The following CTNND2 variants were observed in gnomAD, a reference collection of about 807,000 sequenced individuals.
CTNND2 encodes the protein catenin delta 2, also known as catenin delta-2.
CTNND2 carries 22 observed loss-of-function variants against 144.4 expected under a neutral mutation model. The ratio of observed to expected loss-of-function variants is 0.15; its 90% confidence interval spans 0.11 to 0.22. The LOEUF (loss-of-function observed/expected upper bound fraction) is 0.22, where lower values mean the gene tolerates loss of function less well. Ranked by LOEUF, CTNND2 falls within the 10% of genes least tolerant of loss-of-function variation. The pLI is 1.00. For missense variants in CTNND2, 1,353 were observed against 1,618.8 expected, an observed-to-expected ratio of 0.84 and a Z score of 2.82; for synonymous variants, 751 against 695.6, an observed-to-expected ratio of 1.08 and a Z score of -1.25.
intron 1 of CTNND2, among the ~76,000 whole-genome samples, chr5:11,883,069 A>G (rs1168493367): frequency 1.3e-5 from 2 of 152,046 alleles, no homozygotes; most frequent in Non-Finnish European, 2.9e-5. Context: ...TTTGGTAGCT[A>G]TTGCAAATGG....
At chr5:11,211,176 C>G (rs1265597475) in intron 10 of CTNND2, among the ~76,000 whole-genome samples, 1 of 152,036 alleles carries the variant, frequency 6.6e-6, no homozygotes, top group East Asian at 1.9e-4. Flanking sequence ...TCAGCGCACA[C>G]TAGAGCAAAG....
intron 8 of CTNND2, among the ~76,000 whole-genome samples, chr5:11,359,025 G>A (rs1210440585): frequency 6.6e-6 from 1 of 152,196 alleles, no homozygotes; most frequent in African/African-American, 2.4e-5. Context: ...TTAAGGGGTT[G>A]TCAGAGTCAA....
chr5:11,393,485 G>C (rs1759813161), intron 6 of CTNND2, among the ~76,000 whole-genome samples: 1 of 152,160 alleles, frequency 6.6e-6, no homozygotes, highest in African/African-American at 2.4e-5. Context: ...TTCGGACATG[G>C]GGTGAAACCA....
At chr5:11,703,621 A>C (rs1408946921) in intron 2 of CTNND2, among the ~76,000 whole-genome samples, 1 of 152,202 alleles carries the variant, frequency 6.6e-6, no homozygotes, top group Non-Finnish European at 1.5e-5. Flanking sequence ...TAGTTATTGC[A>C]AGATTTAGAG....
chr5:11,141,437 A>T (rs963353576), intron 12 of CTNND2, among the ~76,000 whole-genome samples: 2 of 152,196 alleles, frequency 1.3e-5, no homozygotes, highest in African/African-American at 4.8e-5. Context: ...CTTGGTGAAT[A>T]AAGGAGCCAA....
intron 3 of CTNND2, among the ~76,000 whole-genome samples, chr5:11,484,068 T>G (rs1267889460): frequency 1.3e-5 from 2 of 152,214 alleles, no homozygotes; most frequent in African/African-American, 4.8e-5. Context: ...GCTGTCCAGT[T>G]GCACACCCTC....
chr5:11,108,110 G>A (rs1322934082), intron 14 of CTNND2, among the ~76,000 whole-genome samples: 1 of 152,168 alleles, frequency 6.6e-6, no homozygotes, highest in African/African-American at 2.4e-5. Context: ...GGGAGTAATT[G>A]TTTACTTGAA....
intron 5 of CTNND2, among the ~76,000 whole-genome samples, chr5:11,408,890 T>G (rs750212210): frequency 1.3e-5 from 2 of 152,050 alleles, no homozygotes; most frequent in Non-Finnish European, 2.9e-5. Flanking sequence ...TCCCCTCTAT[T>G]TATCTCTTCT....
rs61260355 is a variant in CTNND2 at position 11,743,278 on chromosome 5, C to A, written c.38-11006G>T. On this transcript the variant is annotated intron_variant, in intron 1 of 21. Transcript: ENST00000304623. ...GAGCATGTAACAAAAATATAATGGGCTTTGCATTAGGAGCATTTCTCTATG... is the reference window on the plus strand; with the variant it reads ...GAGCATGTAACAAAAATATAATGGGATTTGCATTAGGAGCATTTCTCTATG... 7.7e-3 allele frequency among the ~76,000 whole-genome samples: 1,176 copies of A among 152,184 alleles called. 9 individuals carry two copies. Among genetic ancestry groups the A allele is most frequent in the African/African-American group, 0.027 (1,120 of 41,520 alleles).
intron 1 of CTNND2, among the ~76,000 whole-genome samples, chr5:11,836,787 A>T (rs1196907660): frequency 6.6e-6 from 1 of 152,190 alleles, no homozygotes; most frequent in Non-Finnish European, 1.5e-5. Context: ...TTGGCAATGA[A>T]AATATGTGAG....
chr5:11,652,740 A>G (rs529431285), intron 2 of CTNND2, among the ~76,000 whole-genome samples: 9 of 152,148 alleles, frequency 5.9e-5, no homozygotes, highest in Admixed American at 3.3e-4. Flanking sequence ...TGTGATGGGA[A>G]GACTTATGAC....
intron 5 of CTNND2, among the ~76,000 whole-genome samples, chr5:11,406,450 T>C (rs1761112051): frequency 6.6e-6 from 1 of 152,200 alleles, no homozygotes; most frequent in South Asian, 2.1e-4. Flanking sequence ...TTGACTACTA[T>C]GATTTTCATG....
chr5:11,559,910 T>A (rs1416747598), intron 3 of CTNND2, among the ~76,000 whole-genome samples: 1 of 152,206 alleles, frequency 6.6e-6, no homozygotes, highest in Non-Finnish European at 1.5e-5. Context: ...GTGACCTGGC[T>A]GCAGAGGCCA....
At chr5:11,768,536 C>T (rs1789732869) in intron 1 of CTNND2, among the ~76,000 whole-genome samples, 1 of 152,134 alleles carries the variant, frequency 6.6e-6, no homozygotes, top group Non-Finnish European at 1.5e-5. Context: ...TGTGATCGGC[C>T]CACCTTGGCC....
At chr5:11,421,477 C>A (rs1762359989) in intron 3 of CTNND2, among the ~76,000 whole-genome samples, 1 of 152,118 alleles carries the variant, frequency 6.6e-6, no homozygotes, top group Non-Finnish European at 1.5e-5. Context: ...TTGAGGGGGA[C>A]CGGCTTTGCT....
At chr5:11,023,948 C>G (rs2907090) in intron 16 of CTNND2, among the ~76,000 whole-genome samples, 9,550 of 152,244 alleles carry the variant, frequency 0.063, 998 homozygotes, top group African/African-American at 0.22. Context: ...GCTGGCTGTT[C>G]TCACATTTTT....
intron 13 of CTNND2, among the ~76,000 whole-genome samples, chr5:11,111,400 A>T (rs1188865818): frequency 6.6e-6 from 1 of 152,052 alleles, no homozygotes; most frequent in African/African-American, 2.4e-5. Flanking sequence ...CTGGCTGGGG[A>T]TTGGGGATCG....
chr5:11,845,044 T>A (rs1212791924), intron 1 of CTNND2, among the ~76,000 whole-genome samples: 1 of 152,064 alleles, frequency 6.6e-6, no homozygotes, highest in Non-Finnish European at 1.5e-5. Context: ...AACCTGACTC[T>A]CCAGTGGCTA....
At chr5:11,618,325 T>A (rs1780674664) in intron 2 of CTNND2, among the ~76,000 whole-genome samples, 1 of 152,174 alleles carries the variant, frequency 6.6e-6, no homozygotes, top group Non-Finnish European at 1.5e-5. Context: ...CACGTTAAAG[T>A]TTCTGCAAAA....
Sources: allele counts gnomAD v4.1 joint callset (sites outside exome capture counted in the v4.1 genomes callset), GRCh38; gene constraint gnomAD v4.1.1; transcripts MANE v1.5; gene names NCBI Gene and HGNC (gene_info 2026-07-23, HGNC 2026-07-21).